NTM: variants seen among roughly 807,000 people sequenced by gnomAD.
The protein encoded by NTM is neurotrimin.
In NTM, 13 loss-of-function variants were observed where a neutral mutation model predicts 42.1. The observed-to-expected ratio is 0.31, with a 90% CI of 0.20 to 0.49. NTM has a LOEUF of 0.49. Ranked by LOEUF, NTM falls within the 20% of genes least tolerant of loss-of-function variation. The probability of loss-of-function intolerance (pLI) is 0.99; values close to 1 mark genes in which losing one functional copy is unlikely to be tolerated. For missense variants in NTM, 373 were observed against 452.8 expected (o/e 0.82, Z 1.60); for synonymous variants, 187 against 179.2 (o/e 1.04, Z -0.35).
At chr11:132,184,563 G>A (rs2078101287) in intron 3 of NTM, among the ~76,000 whole-genome samples, 2 of 152,106 alleles carry the variant, frequency 1.3e-5, no homozygotes, top group African/African-American at 2.4e-5. Context: ...CCAGTCGTCC[G>A]GTCCTGGTAG....
At chr11:132,084,622 A>T (rs908322424) in intron 2 of NTM, among the ~76,000 whole-genome samples, 1 of 152,192 alleles carries the variant, frequency 6.6e-6, no homozygotes, top group African/African-American at 2.4e-5. Flanking sequence ...AGAATTTCAG[A>T]TTACCATAAG....
At chr11:132,087,355 G>A (rs1373642498) in intron 2 of NTM, among the ~76,000 whole-genome samples, 2 of 152,170 alleles carry the variant, frequency 1.3e-5, no homozygotes, top group African/African-American at 2.4e-5. Context: ...TGAAACAGGA[G>A]GCTTGGCTTA....
intron 1 of NTM, among the ~76,000 whole-genome samples, chr11:131,564,989 A>G (rs909739570): frequency 2.6e-5 from 4 of 152,192 alleles, no homozygotes; most frequent in African/African-American, 9.7e-5. Context: ...CCTGTCACCT[A>G]CACCGCCATG....
intron 1 of NTM, among the ~76,000 whole-genome samples, chr11:131,885,528 C>T (rs578102470): frequency 5.3e-5 from 8 of 152,310 alleles, no homozygotes; most frequent in East Asian, 1.9e-4. Context: ...TAGCATCCCA[C>T]GCTCTTCCTC....
At chr11:132,054,554 G>T in intron 2 of NTM, among the ~76,000 whole-genome samples, 1 of 152,236 alleles carries the variant, frequency 6.6e-6, no homozygotes, top group Admixed American at 6.5e-5. Flanking sequence ...GAGGCAGATG[G>T]ATGGAGGCAG....
At chr11:131,781,000 T>C (rs1050287906) in intron 1 of NTM, among the ~76,000 whole-genome samples, 2 of 152,106 alleles carry the variant, frequency 1.3e-5, no homozygotes, top group African/African-American at 4.8e-5. Context: ...TTTTAAAAAA[T>C]TATACTACAG....
intron 2 of NTM, among the ~76,000 whole-genome samples, chr11:132,133,142 A>G (rs1270031689): frequency 6.6e-6 from 1 of 152,170 alleles, no homozygotes; most frequent in African/African-American, 2.4e-5. Context: ...TTATTGATAA[A>G]TTATCTCCCA....
chr11:132,000,712 A>G (rs1294814683), intron 2 of NTM, among the ~76,000 whole-genome samples: 2 of 152,216 alleles, frequency 1.3e-5, no homozygotes, highest in South Asian at 2.1e-4. Flanking sequence ...AGCATAGACT[A>G]TGTGCTGAGT....
intron 1 of NTM, among the ~76,000 whole-genome samples, chr11:131,741,162 TGAGAGAGAGAGAGAGAGA>T (rs71067330): frequency 0.18 from 23,390 of 129,830 alleles, 2,147 homozygotes; most frequent in East Asian, 0.33. Context: ...AAGACCCCGT[TGAGAGAGAGAGAGAGAGA>T]GAGAGAGAGA....
At chr11:131,775,462 C>T (rs1259353091) in intron 1 of NTM, among the ~76,000 whole-genome samples, 2 of 152,160 alleles carry the variant, frequency 1.3e-5, no homozygotes, top group African/African-American at 4.8e-5. Flanking sequence ...GATTTTTAGA[C>T]AGCAGAAATC....
intron 4 of NTM, among the ~76,000 whole-genome samples, chr11:132,248,729 G>T (rs1479545906): frequency 6.6e-6 from 1 of 152,240 alleles, no homozygotes; most frequent in Non-Finnish European, 1.5e-5. Flanking sequence ...GCTGAAGGCA[G>T]TAAATTCAGT....
intron 1 of NTM, among the ~76,000 whole-genome samples, chr11:131,438,495 T>A (rs936101409): frequency 6.6e-6 from 1 of 152,234 alleles, no homozygotes; most frequent in Non-Finnish European, 1.5e-5. Context: ...TACTCTTTTT[T>A]CTCTAAACTT....
chr11:132,279,226 A>G (rs189135473), intron 4 of NTM, among the ~76,000 whole-genome samples: 173 of 152,272 alleles, frequency 1.1e-3, no homozygotes, highest in Non-Finnish European at 1.9e-3. Flanking sequence ...TTTCCTTTTA[A>G]TATATTACAT....
chr11:132,173,008 C>A (rs2076318735), intron 3 of NTM, among the ~76,000 whole-genome samples: 1 of 152,192 alleles, frequency 6.6e-6, no homozygotes, highest in African/African-American at 2.4e-5. Flanking sequence ...CATCCTATAG[C>A]TCTCAATGTC....
intron 2 of NTM, among the ~76,000 whole-genome samples, chr11:132,024,561 G>C (rs2074897887): frequency 6.6e-6 from 1 of 152,148 alleles, no homozygotes; most frequent in Non-Finnish European, 1.5e-5. Context: ...TCGATCCCCA[G>C]TTGGTTGAAT....
chr11:131,541,241 T>G (rs1480576327), intron 1 of NTM, among the ~76,000 whole-genome samples: 3 of 152,148 alleles, frequency 2.0e-5, no homozygotes, highest in Non-Finnish European at 2.9e-5. Flanking sequence ...GAACCATCCC[T>G]CGCCTTCCGC....
intron 2 of NTM, among the ~76,000 whole-genome samples, chr11:131,960,250 C>T (rs2062009088): frequency 6.6e-6 from 1 of 152,186 alleles, no homozygotes; most frequent in East Asian, 1.9e-4. Flanking sequence ...TTGGGACCCT[C>T]CCAGGTAAGA....
chr11:131,561,074 G>A (rs2056168291), intron 1 of NTM, among the ~76,000 whole-genome samples: 2 of 152,218 alleles, frequency 1.3e-5, no homozygotes, highest in Admixed American at 1.3e-4. Context: ...AGTCAGAAGT[G>A]GCTGCAGGTG....
chr11:132,096,482 A>T (rs1354325718), intron 2 of NTM, among the ~76,000 whole-genome samples: 1 of 152,200 alleles, frequency 6.6e-6, no homozygotes, highest in African/African-American at 2.4e-5. Context: ...GAACCCCAAG[A>T]TTGAATGACT....
Sources: allele counts gnomAD v4.1 joint callset (sites outside exome capture counted in the v4.1 genomes callset), GRCh38; gene constraint gnomAD v4.1.1; transcripts MANE v1.5; gene names NCBI Gene and HGNC (gene_info 2026-07-23, HGNC 2026-07-21).